FBXL7: variants seen among roughly 807,000 people sequenced by gnomAD.
The protein encoded by FBXL7 is F-box and leucine rich repeat protein 7.
FBXL7 carries 12 observed loss-of-function variants against 38.3 expected under a neutral mutation model. The observed-to-expected ratio is 0.31, with a 90% CI of 0.20 to 0.51. The LOEUF (loss-of-function observed/expected upper bound fraction) is 0.51, where lower values mean the gene tolerates loss of function less well. Among genes scored for constraint, FBXL7 ranks in the 20% least tolerant of loss-of-function variants. The pLI is 0.98. For missense variants in FBXL7, 567 were observed against 676.4 expected (o/e 0.84, Z 1.79); for synonymous variants, 297 against 300.9 (o/e 0.99, Z 0.13).
chr5:15,534,214 C>T (rs1054354346), intron 1 of FBXL7, among the ~76,000 whole-genome samples: 35 of 152,266 alleles, frequency 2.3e-4, no homozygotes, highest in African/African-American at 8.2e-4. Flanking sequence ...TGAGGGTTCA[C>T]TCTTGGTGAT....
intron 2 of FBXL7, among the ~76,000 whole-genome samples, chr5:15,903,612 T>G (rs1385157244): frequency 6.6e-6 from 1 of 152,200 alleles, no homozygotes; most frequent in Non-Finnish European, 1.5e-5. Flanking sequence ...GTATAGCAAC[T>G]TAATGTTTCT....
chr5:15,872,641 C>T (rs536790025), intron 2 of FBXL7, among the ~76,000 whole-genome samples: 1 of 152,122 alleles, frequency 6.6e-6, no homozygotes, highest in African/African-American at 2.4e-5. Flanking sequence ...ATCCTAGTCT[C>T]TGATAAAACA....
chr5:15,562,629 C>T lies in FBXL7; in HGVS notation c.38-53354C>T, dbSNP rs193050002. On this transcript the variant is annotated intron_variant, in intron 1 of 3. Transcript: ENST00000504595. ...TTTCATTTTCATTACTTTTCTTGCT[C>T]GTCTGTCTGCTTCCCTCCCTATATC... 4.7e-3 allele frequency among the ~76,000 whole-genome samples: 713 copies of T among 151,980 alleles called. 6 individuals carry two copies. Among genetic ancestry groups the T allele is most frequent in the Non-Finnish European group, 8.3e-3 (564 of 67,920 alleles).
intron 2 of FBXL7, among the ~76,000 whole-genome samples, chr5:15,723,229 A>G (rs1214710343): frequency 1.3e-5 from 2 of 152,298 alleles, no homozygotes; most frequent in South Asian, 4.1e-4. Context: ...ACAAAAGTGA[A>G]ACAACAGAGA....
At position 15,930,772 on chromosome 5, in the gene FBXL7, G is replaced by A. The variant is rs144348950; in HGVS notation, c.739+2271G>A. Among the ~76,000 whole-genome samples, 330 of 152,290 alleles carry A rather than the reference G, an allele frequency of 2.2e-3. 1 individual carries two copies. The highest frequency in any genetic ancestry group is 3.9e-3 in the Non-Finnish European group (265 of 68,034). The stretch of plus-strand genomic sequence containing the variant: ...TTAAGAACACAGAATCCCACATATG[G>A]GAGAAAGTTTCAGATAGATGGTCTT... On this transcript the variant is annotated intron_variant, in intron 3 of 3. Transcript: ENST00000504595.
chr5:15,876,208 A>G (rs898520065), intron 2 of FBXL7, among the ~76,000 whole-genome samples: 3 of 151,610 alleles, frequency 2.0e-5, no homozygotes, highest in African/African-American at 7.3e-5. Context: ...ATGAGAACAC[A>G]TGGATACAGG....
At chr5:15,698,408 C>T (rs892827686) in intron 2 of FBXL7, among the ~76,000 whole-genome samples, 3 of 151,976 alleles carry the variant, frequency 2.0e-5, no homozygotes, top group East Asian at 1.9e-4. Context: ...GTCCTGATAC[C>T]GAAAAAGAAA....
chr5:15,646,343 G>A (rs1741534039), intron 2 of FBXL7, among the ~76,000 whole-genome samples: 1 of 152,180 alleles, frequency 6.6e-6, no homozygotes, highest in African/African-American at 2.4e-5. Context: ...TAAGGATCTT[G>A]CTTGGGGTTC....
intron 2 of FBXL7, among the ~76,000 whole-genome samples, chr5:15,683,915 A>G (rs1395419542): frequency 6.6e-6 from 1 of 152,166 alleles, no homozygotes. Flanking sequence ...ATTTCCTAGT[A>G]TGAAAAATGA....
At chr5:15,670,951 T>A (rs968402300) in intron 2 of FBXL7, among the ~76,000 whole-genome samples, 1 of 152,214 alleles carries the variant, frequency 6.6e-6, no homozygotes, top group Non-Finnish European at 1.5e-5. Flanking sequence ...TCAGCTCTTA[T>A]ACCCTGGTGG....
chr5:15,602,065 A>G (rs186105627), intron 1 of FBXL7: 3 of 152,308 alleles, frequency 2.0e-5, no homozygotes, highest in Non-Finnish European at 2.9e-5. Context: ...AAACCAACCA[A>G]TGCCAAGGAT....
chr5:15,642,372 A>C (rs1001378143), intron 2 of FBXL7, among the ~76,000 whole-genome samples: 1 of 152,212 alleles, frequency 6.6e-6, no homozygotes, highest in Admixed American at 6.5e-5. Context: ...CAACTTGAGC[A>C]ATTTCCAAGG....
intron 2 of FBXL7, among the ~76,000 whole-genome samples, chr5:15,905,483 T>A (rs1741333343): frequency 6.6e-6 from 1 of 151,992 alleles, no homozygotes; most frequent in Non-Finnish European, 1.5e-5. Flanking sequence ...CTGGTCAACC[T>A]CTGTTCAGTC....
chr5:15,827,733 A>G (rs1187103133), intron 2 of FBXL7, among the ~76,000 whole-genome samples: 3 of 152,206 alleles, frequency 2.0e-5, no homozygotes, highest in East Asian at 1.9e-4. Flanking sequence ...TATAATGGCA[A>G]TCAGATCTCA....
At chr5:15,577,064 C>CA (rs1738988518) in intron 1 of FBXL7, among the ~76,000 whole-genome samples, 3 of 152,142 alleles carry the variant, frequency 2.0e-5, no homozygotes, top group Admixed American at 2.0e-4. Flanking sequence ...ATTCCAGTGT[C>CA]CTGAGATTTT....
Position 15,915,431 on chromosome 5 carries a change from C to T in FBXL7, c.128-12459C>T, listed in dbSNP as rs116241862. ...GAGTGTTGCAGTGTAACTCTAGTTT[C>T]GGCCTCCGTCTTCACAGTGCCATCT... is the stretch of plus-strand genomic sequence containing the variant. On this transcript the variant is annotated intron_variant, in intron 2 of 3. Coordinates refer to ENST00000504595, the MANE Select transcript of FBXL7 (RefSeq NM_012304.5). Among the ~76,000 whole-genome samples the T allele has an allele frequency of 3.8e-3, 581 of 152,278 alleles. 1 individual carries two copies. Among genetic ancestry groups the T allele is most frequent in the African/African-American group, 0.013 (533 of 41,534 alleles).
chr5:15,634,503 G>GTT (rs1024410314), intron 2 of FBXL7, among the ~76,000 whole-genome samples: 1 of 118,120 alleles, frequency 8.5e-6, no homozygotes, highest in African/African-American at 3.6e-5. Flanking sequence ...TGTATTTTTA[G>GTT]TTGGGGGGGG....
At chr5:15,817,096 A>C (rs1738035987) in intron 2 of FBXL7, among the ~76,000 whole-genome samples, 2 of 152,208 alleles carry the variant, frequency 1.3e-5, no homozygotes, top group African/African-American at 4.8e-5. Context: ...AACTTTGGAC[A>C]AATCGTTTAC....
At position 15,915,724 on chromosome 5, in the gene FBXL7, T is replaced by C. The variant is rs114570914; in HGVS notation, c.128-12166T>C. Among the ~76,000 whole-genome samples, 968 of 152,200 alleles carry C rather than the reference T, an allele frequency of 6.4e-3. 5 individuals are homozygous for C. The highest frequency in any genetic ancestry group is 0.022 in the African/African-American group (934 of 41,512). On this transcript the variant is annotated intron_variant, in intron 2 of 3. Coordinates refer to ENST00000504595, the MANE Select transcript of FBXL7 (RefSeq NM_012304.5). ...AAGGTTTTGATGCCGGGAAAAATGG[T>C]CCATATTTTAGAAAGTAAACCCTGA...
Sources: gnomAD v4.1 joint callset for allele counts (sites outside exome capture counted in the v4.1 genomes callset) on GRCh38, gnomAD v4.1.1 for gene constraint, MANE v1.5 for transcripts, NCBI Gene and HGNC (gene_info 2026-07-23, HGNC 2026-07-21) for gene names.